Variants in DESI2 observed in about 807,000 individuals in gnomAD.
DESI2 encodes the protein deubiquitinase DESI2.
A neutral mutation model predicts 24.1 loss-of-function variants in DESI2; 10 were observed. The observed-to-expected ratio is 0.41, with a 90% CI of 0.26 to 0.70. DESI2 has a LOEUF of 0.70. DESI2 is among the 30% of genes least tolerant of loss of function. DESI2 has a pLI of 0.29. For missense variants in DESI2, 122 were observed against 234.9 expected (o/e 0.52, Z 3.14); for synonymous variants, 71 against 87.7 (o/e 0.81, Z 1.06).
intron 1 of DESI2, among the ~76,000 whole-genome samples, chr1:244,660,635 A>G (rs1293021448): frequency 6.6e-6 from 1 of 152,252 alleles, no homozygotes; most frequent in Non-Finnish European, 1.5e-5. Flanking sequence ...AAGAAAGGCA[A>G]AAATAATAAT....
At chr1:244,665,934 G>A (rs773454630) in intron 1 of DESI2, among the ~76,000 whole-genome samples, 3 of 151,730 alleles carry the variant, frequency 2.0e-5, no homozygotes, top group Admixed American at 6.6e-5. Flanking sequence ...ACTTGTCTCC[G>A]TAGTTAAAAT....
chr1:244,662,882 A>C (rs1002135908), intron 1 of DESI2, among the ~76,000 whole-genome samples: 2 of 152,186 alleles, frequency 1.3e-5, no homozygotes, highest in Non-Finnish European at 2.9e-5. Context: ...ACAGCAAGAA[A>C]CAAGAGAAGT....
At chr1:244,686,967 A>T (rs527349976) in intron 2 of DESI2, among the ~76,000 whole-genome samples, 19 of 152,196 alleles carry the variant, frequency 1.2e-4, no homozygotes, top group Non-Finnish European at 2.5e-4. Context: ...ATAAAATGAC[A>T]GTTTGTTTTG....
At chr1:244,684,384 A>G (rs577749999) in intron 1 of DESI2, among the ~76,000 whole-genome samples, 1 of 152,208 alleles carries the variant, frequency 6.6e-6, no homozygotes, top group Non-Finnish European at 1.5e-5. Flanking sequence ...CTCTCGGCCA[A>G]ATTGTTAACA....
At chr1:244,669,483 A>G (rs1573190291) in intron 1 of DESI2, among the ~76,000 whole-genome samples, 3 of 152,182 alleles carry the variant, frequency 2.0e-5, no homozygotes. Context: ...GTTCGAGACT[A>G]GCCTGACCAA....
chr1:244,696,109 G>T (rs868511457), intron 4 of DESI2, among the ~76,000 whole-genome samples: 1 of 152,130 alleles, frequency 6.6e-6, no homozygotes, highest in Non-Finnish European at 1.5e-5. Context: ...ATCTCTAAAA[G>T]ATAAAGATTC....
At chr1:244,681,563 T>C (rs566838903) in intron 1 of DESI2, among the ~76,000 whole-genome samples, 22 of 152,296 alleles carry the variant, frequency 1.4e-4, no homozygotes, top group African/African-American at 5.3e-4. Flanking sequence ...TAGATTCTCA[T>C]AAGGAACGCA....
intron 3 of DESI2, 25 bp from the exon 4 acceptor site, chr1:244,691,851 TCTC>T: frequency 6.5e-7 from 1 of 1,529,376 alleles, no homozygotes; most frequent in Non-Finnish European, 8.8e-7. Flanking sequence ...TATTTTTCTT[TCTC>T]TTTTTTTTCT....
In DESI2 at chr1:244,705,707, A is replaced by C. The variant is rs1348180687; in HGVS notation, c.503A>C (p.Glu168Ala). 6.2e-7 allele frequency: 1 copy of C among 1,613,996 alleles called. No homozygotes were observed. Among genetic ancestry groups the C allele is most frequent in the Non-Finnish European group, 8.5e-7 (1 of 1,180,040 alleles). ...AGCCAAGAACTCCAGGATGAACTGG[A>C]GGAAGCAGAGGATGCTGCCGCATCC... The part of the protein sequence containing the change: ...SVSQELQDEL[E>A]EAEDAAASAS... The change falls in exon 5 of 5, where the codon GAG (glutamate) becomes GCG (alanine). Residue 168 changes from glutamate to alanine, a missense_variant. Physicochemically the swap from Glu to Ala is moderately radical, Grantham distance 107 (BLOSUM62 -1). Around this residue, in one of 6 missense-constraint regions of DESI2, gnomAD observed 56 missense variants for 67.9 expected, o/e 0.82. Transcript: ENST00000302550.
intron 1 of DESI2, among the ~76,000 whole-genome samples, chr1:244,664,129 T>C (rs1038760505): frequency 5.3e-5 from 8 of 151,900 alleles, no homozygotes; most frequent in African/African-American, 1.7e-4. Flanking sequence ...CTAAATCTTA[T>C]AACTGTGGTT....
At chr1:244,687,257 C>T (rs950192484) in intron 2 of DESI2, among the ~76,000 whole-genome samples, 4 of 152,136 alleles carry the variant, frequency 2.6e-5, no homozygotes, top group Admixed American at 2.0e-4. Context: ...CTTATTAAAA[C>T]CCTTTATTAG....
intron 1 of DESI2, 104 bp from the exon 2 acceptor site, chr1:244,686,493 A>G (rs1676829024): frequency 2.7e-6 from 2 of 739,260 alleles, no homozygotes; most frequent in Non-Finnish European, 4.8e-6. Context: ...GATCGTTATC[A>G]TGGGAGTTTC....
intron 1 of DESI2, among the ~76,000 whole-genome samples, chr1:244,674,604 T>C (rs922547930): frequency 1.3e-5 from 2 of 152,214 alleles, no homozygotes; most frequent in Admixed American, 1.3e-4. Flanking sequence ...AATGGAATCA[T>C]GTAATATGTG....
intron 1 of DESI2, among the ~76,000 whole-genome samples, chr1:244,656,882 C>T (rs1675665427): frequency 6.6e-6 from 1 of 152,172 alleles, no homozygotes; most frequent in African/African-American, 2.4e-5. Context: ...TCAAGTGATT[C>T]TCCCGCCTCA....
chr1:244,697,708 G>A (rs1677275759), intron 4 of DESI2, among the ~76,000 whole-genome samples: 1 of 152,086 alleles, frequency 6.6e-6, no homozygotes, highest in Admixed American at 6.6e-5. Flanking sequence ...GTTACAGTGA[G>A]GAGAAAAAAG....
At chr1:244,659,157 A>G (rs542195894) in intron 1 of DESI2, among the ~76,000 whole-genome samples, 1 of 129,318 alleles carries the variant, frequency 7.7e-6, no homozygotes, top group African/African-American at 3.0e-5. Context: ...GCCCTCCTAC[A>G]TTATTTATGG....
At chr1:244,664,816 T>C (rs530779521) in intron 1 of DESI2, among the ~76,000 whole-genome samples, 49 of 152,400 alleles carry the variant, frequency 3.2e-4, no homozygotes, top group African/African-American at 1.0e-3. Context: ...AGAAATTTTG[T>C]TCTATGTGGT....
intron 1 of DESI2, among the ~76,000 whole-genome samples, chr1:244,680,568 G>A (rs1052774515): frequency 2.6e-5 from 4 of 152,240 alleles, no homozygotes; most frequent in South Asian, 2.1e-4. Context: ...TTTGTATTTC[G>A]TCACATCCAA....
At chr1:244,692,050 C>T in intron 4 of DESI2, 30 bp downstream of exon 4, 1 of 1,550,262 alleles carries the variant, frequency 6.5e-7, no homozygotes, top group Non-Finnish European at 8.7e-7. Flanking sequence ...AAAAGTTCTT[C>T]AAATAAATAT....
Sources: gnomAD v4.1 joint callset for allele counts (sites outside exome capture counted in the v4.1 genomes callset) on GRCh38, gnomAD v4.1.1 for gene constraint, gnomAD v4.1.1 regional missense constraint, MANE v1.5 for transcripts, NCBI Gene and HGNC (gene_info 2026-07-23, HGNC 2026-07-21) for gene names.